TRIO: variants seen among roughly 807,000 people sequenced by gnomAD.
The protein encoded by TRIO is triple functional domain protein.
TRIO carries 58 observed loss-of-function variants against 351.9 expected under a neutral mutation model. That is an observed-to-expected ratio of 0.16 (90% CI 0.13 to 0.21). The LOEUF (loss-of-function observed/expected upper bound fraction) is 0.21, where lower values mean the gene tolerates loss of function less well. Ranked by LOEUF, TRIO falls within the 10% of genes least tolerant of loss-of-function variation. The pLI is 1.00. For missense variants in TRIO, 3,201 were observed against 4,027.8 expected (o/e 0.79, Z 5.56); for synonymous variants, 1,758 against 1,595.7 (o/e 1.10, Z -2.42).
chr5:14,366,803 G>A, intron 15 of TRIO, 57 bp from the exon 16 acceptor site: 36 of 1,609,546 alleles, frequency 2.2e-5, no homozygotes, highest in Non-Finnish European at 3.1e-5. Context: ...ACCCCTGGTG[G>A]TCCACAGGAT....
chr5:14,238,103 T>C (rs1035739365), intron 1 of TRIO, among the ~76,000 whole-genome samples: 2 of 152,176 alleles, frequency 1.3e-5, no homozygotes, highest in Non-Finnish European at 2.9e-5. Flanking sequence ...TAGTGAACTT[T>C]ATACATGAGA....
chr5:14,311,924 T>C (rs1007391246), intron 8 of TRIO, among the ~76,000 whole-genome samples: 2 of 152,246 alleles, frequency 1.3e-5, no homozygotes, highest in African/African-American at 4.8e-5. Context: ...TGCCATTTTC[T>C]AGCACTTTTT....
intron 34 of TRIO, among the ~76,000 whole-genome samples, chr5:14,430,143 GA>G (rs1380596429): frequency 2.8e-5 from 4 of 145,014 alleles, no homozygotes; most frequent in African/African-American, 1.0e-4. Flanking sequence ...TATTTATAGG[GA>G]AAAAATCAAT....
At chr5:14,299,447 C>T (rs1280835098) in intron 7 of TRIO, among the ~76,000 whole-genome samples, 1 of 152,064 alleles carries the variant, frequency 6.6e-6, no homozygotes, top group African/African-American at 2.4e-5. Flanking sequence ...AAGGCCTGCA[C>T]GTAGACAACT....
In TRIO at chr5:14,508,475, C is replaced by A; in HGVS notation, c.*53C>A. ...TTTCACCTGCCAATCAGCTGTTAAT[C>A]TGAATTTTCAAGAGAAAACAAGCAA... On this transcript the variant is annotated 3_prime_UTR_variant, in exon 57 of 57. Transcript: ENST00000344204. 1 of 1,531,206 alleles carries A rather than the reference C, an allele frequency of 6.5e-7. No individual in the cohort carries two copies. Among genetic ancestry groups the A allele is most frequent in the Non-Finnish European group, 8.8e-7 (1 of 1,140,892 alleles). 94.9% of individuals were successfully genotyped at this position (1,531,206 alleles called of 1,614,324 possible).
intron 39 of TRIO, among the ~76,000 whole-genome samples, 162 bp downstream of exon 39, chr5:14,472,820 A>G (rs1259880962): frequency 3.9e-5 from 6 of 152,206 alleles, no homozygotes; most frequent in Non-Finnish European, 8.8e-5. Context: ...AGTTTAGCCA[A>G]TTGTCTTTAC....
intron 32 of TRIO, 97 bp downstream of exon 32, chr5:14,406,087 T>A: frequency 6.7e-7 from 1 of 1,487,252 alleles, no homozygotes; most frequent in South Asian, 1.3e-5. Context: ...CTCTCAAACA[T>A]TTTGAGGAAT....
chr5:14,475,389 C>T (rs1484119432), intron 40 of TRIO, among the ~76,000 whole-genome samples: 5 of 152,152 alleles, frequency 3.3e-5, no homozygotes, highest in African/African-American at 1.2e-4. Flanking sequence ...CTGGGTGTTC[C>T]CCATCAGACT....
intron 33 of TRIO, among the ~76,000 whole-genome samples, chr5:14,414,034 C>T (rs916221181): frequency 6.6e-6 from 1 of 152,194 alleles, no homozygotes; most frequent in Non-Finnish European, 1.5e-5. Context: ...TAAAAGATTG[C>T]TTTGGTCACT....
At chr5:14,156,169 A>G (rs561372480) in intron 1 of TRIO, among the ~76,000 whole-genome samples, 3 of 152,106 alleles carry the variant, frequency 2.0e-5, no homozygotes, top group Admixed American at 6.5e-5. Flanking sequence ...ATCTTTTGTG[A>G]CCTGTCTCCA....
chr5:14,471,182 A>G (rs1171940180), intron 37 of TRIO, 136 bp from the exon 38 acceptor site: 2 of 1,234,200 alleles, frequency 1.6e-6, no homozygotes, highest in Non-Finnish European at 2.2e-6. Context: ...AAATGCTATA[A>G]TTTCACAAAC....
intron 1 of TRIO, among the ~76,000 whole-genome samples, chr5:14,211,122 C>G (rs1312844023): frequency 6.6e-6 from 1 of 152,186 alleles, no homozygotes; most frequent in Non-Finnish European, 1.5e-5. Flanking sequence ...TTGACTTTAC[C>G]TTCTTCTGAC....
chr5:14,464,555 C>G (rs1321136316), intron 36 of TRIO, among the ~76,000 whole-genome samples: 1 of 152,158 alleles, frequency 6.6e-6, no homozygotes, highest in Non-Finnish European at 1.5e-5. Flanking sequence ...AATTTCCTTA[C>G]CTTTCCGTTT....
intron 1 of TRIO, among the ~76,000 whole-genome samples, chr5:14,214,192 T>A (rs1267835930): frequency 6.6e-6 from 1 of 152,204 alleles, no homozygotes; most frequent in African/African-American, 2.4e-5. Flanking sequence ...CTGGGTTGAC[T>A]GGCCATCTTG....
chr5:14,310,301 G>A (rs111920996), intron 8 of TRIO, among the ~76,000 whole-genome samples: 19 of 152,352 alleles, frequency 1.2e-4, no homozygotes, highest in African/African-American at 4.3e-4. Flanking sequence ...ATTGCAAGGT[G>A]AGACTGCATA....
intron 3 of TRIO, among the ~76,000 whole-genome samples, chr5:14,281,428 C>A (rs1314401551): frequency 1.9e-5 from 2 of 105,378 alleles, no homozygotes; most frequent in East Asian, 3.4e-4. Context: ...GTTAGAACCC[C>A]CCCCCCCCGC....
chr5:14,363,646 A>G, intron 13 of TRIO, 86 bp from the exon 14 acceptor site: 1 of 1,296,788 alleles, frequency 7.7e-7, no homozygotes. Flanking sequence ...TGGCAGAGAG[A>G]CATCTCTTCC....
At chr5:14,164,497 A>G (rs1290384223) in intron 1 of TRIO, among the ~76,000 whole-genome samples, 2 of 152,166 alleles carry the variant, frequency 1.3e-5, no homozygotes, top group East Asian at 3.9e-4. Context: ...TAGTGAGGTG[A>G]GACTGATGGT....
intron 1 of TRIO, among the ~76,000 whole-genome samples, chr5:14,171,785 G>C (rs1017510823): frequency 1.3e-4 from 20 of 152,116 alleles, no homozygotes; most frequent in Admixed American, 5.9e-4. Context: ...GAGCGGGGTG[G>C]GGGGATGGTC....
Sources: allele counts gnomAD v4.1 joint callset (sites outside exome capture counted in the v4.1 genomes callset), GRCh38; gene constraint gnomAD v4.1.1; transcripts MANE v1.5; gene names NCBI Gene and HGNC (gene_info 2026-07-23, HGNC 2026-07-21).